PYGM: variants seen among roughly 807,000 people sequenced by gnomAD.
PYGM encodes glycogen phosphorylase, muscle form.
A neutral mutation model predicts 99.3 loss-of-function variants in PYGM; 81 were observed. The observed-to-expected ratio is 0.82, with a 90% CI of 0.68 to 0.98. The LOEUF (loss-of-function observed/expected upper bound fraction) is 0.98, where lower values mean the gene tolerates loss of function less well. Among genes scored for constraint, PYGM ranks in the 50% least tolerant of loss-of-function variants. PYGM has a pLI of 0.00. For synonymous variants in PYGM, 436 were observed against 451.5 expected, an observed-to-expected ratio of 0.97 and a Z score of 0.44; for missense variants, 1,030 against 1,158.1, an observed-to-expected ratio of 0.89 and a Z score of 1.61.
chr11:64,752,661 G>A (rs189925678), intron 12 of PYGM, among the ~76,000 whole-genome samples, 157 bp from the exon 13 acceptor site: 7 of 152,270 alleles, frequency 4.6e-5, no homozygotes, highest in African/African-American at 9.6e-5. Flanking sequence ...GATGGGGCAC[G>A]GGGCATCCAT....
At chr11:64,750,745 A>G (rs2135828962) in intron 16 of PYGM, among the ~76,000 whole-genome samples, 162 bp from the exon 17 acceptor site, 1 of 152,132 alleles carries the variant, frequency 6.6e-6, no homozygotes, top group South Asian at 2.1e-4. Context: ...CCGCACCCCC[A>G]CTGCCCTCTA....
At chr11:64,747,698 C>T in intron 17 of PYGM, 1 of 365,660 alleles carries the variant, frequency 2.7e-6, no homozygotes, top group Admixed American at 3.8e-5. Context: ...TAGCCCAAGT[C>T]CATATCCGGC....
rs2058391909 is a variant in PYGM at position 64,755,940 on chromosome 11, G to T, written c.661-382C>A. ...CTGTGGACTCATGAGAGGGCTGGGG[G>T]AACCCAGGGCCAGGCTGAAGGGGTC... is the stretch of plus-strand genomic sequence containing the variant. On this transcript the variant is annotated intron_variant, in intron 5 of 19. Coordinates refer to ENST00000164139, the MANE Select transcript of PYGM (RefSeq NM_005609.4). The surrounding 1 kb of genome is among the most constrained non-coding windows in gnomAD (Gnocchi z 4.1). Among the ~76,000 whole-genome samples, 1 of 152,230 alleles carries T rather than the reference G, an allele frequency of 6.6e-6. No homozygotes were observed. The highest frequency in any genetic ancestry group is 2.4e-5 in the African/African-American group (1 of 41,468).
intron 17 of PYGM, chr11:64,748,694 T>C (rs976963544): frequency 1.3e-5 from 2 of 152,208 alleles, no homozygotes; most frequent in African/African-American, 4.8e-5. Context: ...TGGAATGTTA[T>C]ACAAACATTT....
At position 64,753,588 on chromosome 11, in the gene PYGM, A is replaced by G; in HGVS notation, c.1334T>C (p.Leu445Pro). 2 of 1,607,746 alleles carry G rather than the reference A, an allele frequency of 1.2e-6. No homozygotes were observed. Among genetic ancestry groups the G allele is most frequent in the Non-Finnish European group, 1.7e-6 (2 of 1,178,888 alleles). ...GAVKRINMAHLCIAGSHAVNG... is the reference protein window; with the variant it reads ...GAVKRINMAHPCIAGSHAVNG... Reference sequence around the variant, plus strand: ...GACGGCGTGCGACCCCGCGATGCACAGGTGTGCCATGTTGATGCGCTTCAC... The same window carrying G: ...GACGGCGTGCGACCCCGCGATGCACGGGTGTGCCATGTTGATGCGCTTCAC... Residue 445 changes from leucine (L) to proline (P), a missense_variant, in exon 11 of 20, where the codon CTG becomes CCG. By Grantham distance (98) the Leu-to-Pro change is moderately conservative. Coordinates refer to ENST00000164139, the MANE Select transcript of PYGM (RefSeq NM_005609.4).
Position 64,754,199 on chromosome 11 carries a change from AGGGAACCCCGAGGCAGAGAGCATCAGATG to A in PYGM, c.1092+25_1092+53del. The A allele has an allele frequency of 6.3e-7, 1 of 1,586,200 alleles. No individual in the cohort carries two copies. Among genetic ancestry groups the A allele is most frequent in the South Asian group, 1.1e-5 (1 of 90,504 alleles). On this transcript the variant is annotated intron_variant, in intron 9 of 19. Coordinates refer to ENST00000164139, the MANE Select transcript of PYGM (RefSeq NM_005609.4). The surrounding 1 kb of genome is among the most constrained non-coding windows in gnomAD (Gnocchi z 5.5). ...ATCCTCCCACGCTCCCAAACTGGGA[AGGGAACCCCGAGGCAGAGAGCATCAGATG>A]GGGCAGAGGGGCCCTGAAGCCCACC...
In PYGM at chr11:64,759,868, T is replaced by G. The variant is rs776312721; in HGVS notation, c.31A>C (p.Arg11=). Residue 11 remains arginine (R), a synonymous_variant, in exon 1 of 20, where the codon AGA becomes CGA. Coordinates refer to ENST00000164139, the MANE Select transcript of PYGM (RefSeq NM_005609.4). ...AGGCCACGCACACTGATTTGCTTTC[T>G]TTTCTCTTGGTCTGACAGGGGCCGG... The part of the protein sequence containing the change: MSRPLSDQEK[R]KQISVRGLAG... The G allele has an allele frequency of 3.1e-6, 5 of 1,614,206 alleles. No homozygotes were observed. In the Admixed American group the frequency reaches 8.3e-5, roughly 27 times the overall value.
Position 64,746,726 on chromosome 11 carries a change from T to TA in PYGM, c.2461dup (p.Tyr821LeufsTer20). ...CTCCACACCCCAGATCTCCCGGGCA[T>TA]ACTGGGCAATGGTGCGGTCACTGGA... On this transcript the variant is annotated frameshift_variant, in exon 20 of 20. Transcript: ENST00000164139. LOFTEE classifies it high-confidence loss of function. 5.0e-6 allele frequency: 8 copies of TA among 1,614,154 alleles called. No individual in the cohort carries two copies. Among genetic ancestry groups the TA allele is most frequent in the Non-Finnish European group, 5.9e-6 (7 of 1,180,034 alleles).
In PYGM at chr11:64,751,320, C is replaced by T; in HGVS notation, c.1969+5G>A. ...CTCCCTAGGGTCCCTGTTGGCAGCA[C>T]CCACCTTTCTCGGCCAGTGAGACTC... On this transcript the variant is annotated splice_donor_5th_base_variant and intron_variant, in intron 16 of 19. Coordinates refer to ENST00000164139, the MANE Select transcript of PYGM (RefSeq NM_005609.4). The T allele has an allele frequency of 1.2e-6, 2 of 1,614,164 alleles. No homozygotes were observed. The highest frequency in any genetic ancestry group is 1.7e-6 in the Non-Finnish European group (2 of 1,180,026).
At chr11:64,752,207 C>G in intron 13 of PYGM, 136 bp from the exon 14 acceptor site, 1 of 1,377,914 alleles carries the variant, frequency 7.3e-7, no homozygotes. Context: ...TGTACCAGGG[C>G]AGACATTGCT....
chr11:64,754,270 G>A lies in PYGM; in HGVS notation c.1075C>T (p.Arg359Trp), dbSNP rs761807664. 19 of 1,613,348 alleles carry A rather than the reference G, an allele frequency of 1.2e-5. No homozygotes were observed. The highest frequency in any genetic ancestry group is 1.1e-4 in the African/African-American group (8 of 74,888). Residue 359 changes from arginine to tryptophan, a missense_variant, in exon 9 of 20, where the codon CGG becomes TGG. Physicochemically the swap from Arg to Trp is moderately radical, Grantham distance 101. Coordinates refer to ENST00000164139, the MANE Select transcript of PYGM (RefSeq NM_005609.4). This position sits in a 1 kb window ranked among gnomAD's most constrained non-coding sequence, Gnocchi z 5.5. ...AAGCCCACCTTGTCCCAGTCCATCC[G>A]TTCCAGGTCCACCAGGATCCTCATC... ...ELMRILVDLERMDWDKAWDVT... is the reference protein window; with the variant it reads ...ELMRILVDLEWMDWDKAWDVT...
rs773654032 is a variant in PYGM at position 64,754,274 on chromosome 11, C to G, written c.1071G>C (p.Leu357=). ...CCACCTTGTCCCAGTCCATCCGTTC[C>G]AGGTCCACCAGGATCCTCATCAGCT... ...IPELMRILVD[L]ERMDWDKAWD... Residue 357 remains leucine, a synonymous_variant, in exon 9 of 20, where the codon CTG becomes CTC. Transcript: ENST00000164139. The surrounding 1 kb of genome is among the most constrained non-coding windows in gnomAD (Gnocchi z 5.5). 14 of 1,613,480 alleles carry G rather than the reference C, an allele frequency of 8.7e-6. No homozygotes were observed. In the African/African-American group the frequency reaches 1.7e-4, roughly 20 times the overall value.
rs767983174 is a variant in PYGM, at chr11:64,753,664, G to T, written c.1258C>A (p.Pro420Thr). Reference protein sequence around the residue: ...RFLNRVAAAFPGDVDRLRRMS... With the variant: ...RFLNRVAAAFTGDVDRLRRMS... ...CGCCGCAGCCGGTCTACGTCCCCTGGGAATGCGGCCGCCACCCGCTGTGCC... is the reference window on the plus strand; with the variant it reads ...CGCCGCAGCCGGTCTACGTCCCCTGTGAATGCGGCCGCCACCCGCTGTGCC... Residue 420 changes from proline to threonine, a missense_variant, in exon 11 of 20, where the codon CCA becomes ACA. Physicochemically the swap from Pro to Thr is conservative, Grantham distance 38. Transcript: ENST00000164139. 1 of 1,608,276 alleles carries T rather than the reference G, an allele frequency of 6.2e-7. No individual in the cohort carries two copies. Among genetic ancestry groups the T allele is most frequent in the Non-Finnish European group, 8.5e-7 (1 of 1,179,276 alleles).
At position 64,753,566 on chromosome 11, in the gene PYGM, G is replaced by A. The variant is rs756953943; in HGVS notation, c.1356C>T (p.Ala452=). The A allele has an allele frequency of 1.9e-5, 31 of 1,602,932 alleles. No homozygotes were observed. The highest frequency in any genetic ancestry group is 2.2e-5 in the East Asian group (1 of 44,614). ...AGTGGATGCGCGCCACGCCGTTGAC[G>A]GCGTGCGACCCCGCGATGCACAGGT... ...MAHLCIAGSH[A]VNGVARIHSE... Residue 452 remains alanine, a synonymous_variant, in exon 11 of 20, where the codon GCC becomes GCT. Transcript: ENST00000164139.
chr11:64,756,212 G>A (rs1321709762), intron 5 of PYGM, among the ~76,000 whole-genome samples: 1 of 152,160 alleles, frequency 6.6e-6, no homozygotes, highest in Non-Finnish European at 1.5e-5. Context: ...ACCCATCCCC[G>A]AGCACACAGC....
Position 64,754,858 on chromosome 11 carries a change from G to C in PYGM, c.856-22C>G, listed in dbSNP as rs765237025. ...AGAACTGGGGACAGCATGAGGCAGC[G>C]TGAGTCAGGGCGGTGGGGGCATGGC... On this transcript the variant is annotated intron_variant, in intron 7 of 19. Transcript: ENST00000164139. This position sits in a 1 kb window ranked among gnomAD's most constrained non-coding sequence, Gnocchi z 5.5. 2 of 1,612,888 alleles carry C rather than the reference G, an allele frequency of 1.2e-6. No individual in the cohort carries two copies. The highest frequency in any genetic ancestry group is 2.2e-5 in the East Asian group (1 of 44,872).
At position 64,759,690 on chromosome 11, in the gene PYGM, C is replaced by G. The variant is rs759631990; in HGVS notation, c.209G>C (p.Arg70Pro). The G allele has an allele frequency of 5.0e-6, 8 of 1,614,104 alleles. No individual in the cohort carries two copies. Among genetic ancestry groups the G allele is most frequent in the Non-Finnish European group, 6.8e-6 (8 of 1,180,000 alleles). Reference sequence around the variant, plus strand: ...CTTCTCATAGTAGTGCTGCTGCGTGCGGATCCAGCGCCCCACGAGGTGGTC... The same window carrying G: ...CTTCTCATAGTAGTGCTGCTGCGTGGGGATCCAGCGCCCCACGAGGTGGTC... ...VRDHLVGRWI[R>P]TQQHYYEKDP... Residue 70 changes from arginine to proline, a missense_variant, in exon 1 of 20, where the codon CGC becomes CCC. Coordinates refer to ENST00000164139, the MANE Select transcript of PYGM (RefSeq NM_005609.4).
Position 64,755,264 on chromosome 11 carries a change from G to A in PYGM, c.855+9C>T. 2 of 1,613,278 alleles carry A rather than the reference G, an allele frequency of 1.2e-6. No homozygotes were observed. The highest frequency in any genetic ancestry group is 1.7e-5 in the Admixed American group (1 of 60,026). The stretch of plus-strand genomic sequence containing the variant: ...AGGCTTCCAGCCCCCAGCCCAGGGG[G>A]TGACGCACATTATCATTGGGGTACA... On this transcript the variant is annotated intron_variant, in intron 7 of 19. Coordinates refer to ENST00000164139, the MANE Select transcript of PYGM (RefSeq NM_005609.4). This position sits in a 1 kb window ranked among gnomAD's most constrained non-coding sequence, Gnocchi z 4.1.
upstream of PYGM, among the ~76,000 whole-genome samples, chr11:64,760,466 G>A (rs1488700458): frequency 2.0e-5 from 3 of 152,230 alleles, no homozygotes; most frequent in Non-Finnish European, 4.4e-5. Context: ...GAGGTTGTGT[G>A]AGGCAGGGCC....
Sources: gnomAD v4.1 joint callset for allele counts (sites outside exome capture counted in the v4.1 genomes callset) on GRCh38, gnomAD v4.1.1 for gene constraint, Gnocchi (gnomAD v3.1) non-coding constraint, MANE v1.5 for transcripts, NCBI Gene and HGNC (gene_info 2026-07-23, HGNC 2026-07-21) for gene names.